The following CLEC12A variants were observed in gnomAD, a reference collection of about 807,000 sequenced individuals.
CLEC12A encodes the protein C-type lectin domain family 12 member A.
In CLEC12A, 22 loss-of-function variants were observed where a neutral mutation model predicts 26.5. That is an observed-to-expected ratio of 0.83 (90% CI 0.59 to 1.19). The LOEUF (loss-of-function observed/expected upper bound fraction) is 1.19, where lower values mean the gene tolerates loss of function less well. Ranked by LOEUF, CLEC12A falls within the 50% of genes most tolerant of loss-of-function variation. The pLI is 0.00. For synonymous variants in CLEC12A, 119 were observed against 101.9 expected (o/e 1.17, Z -1.01); for missense variants, 353 against 315.6 (o/e 1.12, Z -0.90).
chr12:9,983,453 G>A (rs1469499992), intron 5 of CLEC12A: 2 of 683,528 alleles, frequency 2.9e-6, no homozygotes, highest in Non-Finnish European at 5.3e-6. Flanking sequence ...TGCTTATAAT[G>A]GGAAAAAAAG....
At chr12:9,985,760 C>G (rs895820189), downstream of CLEC12A, 11 of 308,292 alleles carry the variant, frequency 3.6e-5, no homozygotes, top group Admixed American at 5.5e-4. Context: ...GAGTATTATA[C>G]CCAAGAGGCT....
At chr12:9,954,323 T>G (rs973984986) in intron 1 of CLEC12A, among the ~76,000 whole-genome samples, 2 of 151,448 alleles carry the variant, frequency 1.3e-5, no homozygotes, top group African/African-American at 4.9e-5. Context: ...GGTGAAACCC[T>G]GTCTCTACAA....
intron 4 of CLEC12A, chr12:9,993,077 C>A: frequency 7.0e-7 from 1 of 1,423,642 alleles, no homozygotes; most frequent in Non-Finnish European, 9.6e-7. Context: ...GCTACTGATG[C>A]ATTCATACAT....
downstream of CLEC12A, among the ~76,000 whole-genome samples, chr12:9,996,205 A>G (rs905204169): frequency 6.6e-6 from 1 of 152,160 alleles, no homozygotes; most frequent in Non-Finnish European, 1.5e-5. Flanking sequence ...CCTTTCTGTT[A>G]TATCCTAATA....
In CLEC12A at chr12:9,985,390, A is replaced by G. The variant is rs573315168; in HGVS notation, c.*364A>G. 8 of 401,656 alleles carry G rather than the reference A, an allele frequency of 2.0e-5. No homozygotes were observed. The Admixed American group carries it at 3.5e-4, about 18-fold the overall frequency. The allele number at this position is 401,656 out of a possible 1,614,324, so 24.9% of individuals were successfully genotyped here. ...AACCAGCAAATTTTAATTTTGTCCC[A>G]CAGCGTTGCTAGGGTGGCATGGCTC... is the stretch of plus-strand genomic sequence containing the variant. On this transcript the variant is annotated 3_prime_UTR_variant, in exon 6 of 6. Transcript: ENST00000304361.
chr12:9,987,354 G>GC (rs1413774404), downstream of CLEC12A, among the ~76,000 whole-genome samples: 15 of 152,230 alleles, frequency 9.9e-5, no homozygotes, highest in Middle Eastern at 3.4e-3. Flanking sequence ...AAATTCCATA[G>GC]CAAGGCAGTA....
chr12:9,982,101 G>T lies in CLEC12A; in HGVS notation c.613G>T (p.Val205Leu). The T allele has an allele frequency of 1.3e-6, 2 of 1,589,184 alleles. No homozygotes were observed. Among genetic ancestry groups the T allele is most frequent in the Non-Finnish European group, 1.7e-6 (2 of 1,158,156 alleles). ...AGAAGATTCCACTCGTGGTATGAGAGTGGATAATATAATCAACTCCTCTGC... is the reference window on the plus strand; with the variant it reads ...AGAAGATTCCACTCGTGGTATGAGATTGGATAATATAATCAACTCCTCTGC... ...PEEDSTRGMR[V>L]DNIINSSAWV... is the part of the protein sequence containing the mutation. The change falls in exon 5 of 6, where the codon GTG (valine) becomes TTG (leucine). Residue 205 changes from valine (V) to leucine (L), a missense_variant. By Grantham distance (32) the Val-to-Leu change is conservative (BLOSUM62 1). Coordinates refer to ENST00000304361, the MANE Select transcript of CLEC12A (RefSeq NM_138337.6).
the CLEC12A span, among the ~76,000 whole-genome samples, chr12:10,001,213 A>T: frequency 6.6e-6 from 1 of 152,320 alleles, no homozygotes; most frequent in African/African-American, 2.4e-5. Flanking sequence ...ATTCTCTAGG[A>T]CTTGAGCAGC....
intron 4 of CLEC12A, chr12:9,991,578 G>C (rs1416726341): frequency 6.6e-6 from 1 of 152,062 alleles, no homozygotes; most frequent in African/African-American, 2.4e-5. Flanking sequence ...GACATTTGAA[G>C]TAACAAGTAA....
chr12:9,999,071 T>G, downstream of CLEC12A: 1 of 1,610,328 alleles, frequency 6.2e-7, no homozygotes, highest in Non-Finnish European at 8.5e-7. Flanking sequence ...TTTTAATATT[T>G]AAGGTGATGT....
intron 1 of CLEC12A, chr12:9,951,669 C>A: frequency 2.6e-6 from 1 of 377,382 alleles, no homozygotes; most frequent in Admixed American, 3.9e-5. Flanking sequence ...TTTGGACTCT[C>A]TTGGGACTTG....
downstream of CLEC12A, among the ~76,000 whole-genome samples, chr12:9,996,532 AGC>A: frequency 6.6e-6 from 1 of 152,218 alleles, no homozygotes; most frequent in Non-Finnish European, 1.5e-5. Flanking sequence ...TGGACAGCAC[AGC>A]AAGTTAGAAC....
At chr12:9,955,244 GC>G (rs202241904) in intron 1 of CLEC12A, among the ~76,000 whole-genome samples, 2,870 of 152,040 alleles carry the variant, frequency 0.019, 93 homozygotes, top group African/African-American at 0.064. Flanking sequence ...CCGCCACCAC[GC>G]CCGGCTAATT....
At chr12:9,980,838 G>A (rs1864530333) in intron 4 of CLEC12A, 105 bp downstream of exon 4, 2 of 1,201,894 alleles carry the variant, frequency 1.7e-6, no homozygotes, top group African/African-American at 1.5e-5. Context: ...CAGTTGGGGT[G>A]TGAAGTGACT....
chr12:9,955,138 G>C (rs1863721824), intron 1 of CLEC12A, among the ~76,000 whole-genome samples: 1 of 152,184 alleles, frequency 6.6e-6, no homozygotes, highest in Non-Finnish European at 1.5e-5. Flanking sequence ...CCAGGCTGGA[G>C]TGCAGTGGCC....
intron 1 of CLEC12A, among the ~76,000 whole-genome samples, chr12:9,962,840 G>A (rs1228526328): frequency 4.6e-5 from 7 of 152,186 alleles, no homozygotes; most frequent in South Asian, 4.1e-4. Context: ...TCAGAGGCCT[G>A]ACATTCCTGT....
At chr12:9,981,916 C>A (rs1864572783) in intron 4 of CLEC12A, 104 bp from the exon 5 acceptor site, 1 of 602,186 alleles carries the variant, frequency 1.7e-6, no homozygotes, top group South Asian at 2.1e-5. Context: ...AGTGCAATGT[C>A]CAGTATGTTA....
intron 4 of CLEC12A, among the ~76,000 whole-genome samples, chr12:9,994,608 CA>C (rs2137234432): frequency 6.6e-6 from 1 of 152,078 alleles, no homozygotes; most frequent in Admixed American, 6.6e-5. Flanking sequence ...TGTAGAAGGA[CA>C]AAGCTTCGTT....
upstream of CLEC12A, among the ~76,000 whole-genome samples, chr12:9,968,437 G>C (rs1321159671): frequency 1.3e-5 from 2 of 152,100 alleles, no homozygotes; most frequent in Non-Finnish European, 2.9e-5. Context: ...TTACATCAAA[G>C]GGGGGTTGTT....
Sources: allele counts gnomAD v4.1 joint callset (sites outside exome capture counted in the v4.1 genomes callset), GRCh38; gene constraint gnomAD v4.1.1; transcripts MANE v1.5; gene names NCBI Gene and HGNC (gene_info 2026-07-23, HGNC 2026-07-21).